WASHC4: variants seen among roughly 807,000 people sequenced by gnomAD.
WASHC4 encodes WASH complex subunit 4.
WASHC4 carries 86 observed loss-of-function variants against 166.6 expected under a neutral mutation model. The ratio of observed to expected loss-of-function variants is 0.52; its 90% CI spans 0.43 to 0.62. The LOEUF (loss-of-function observed/expected upper bound fraction) is 0.62, where lower values mean the gene tolerates loss of function less well. Among genes scored for constraint, WASHC4 ranks in the 20% least tolerant of loss-of-function variants. The probability of loss-of-function intolerance (pLI) is 0.00; values close to 1 mark genes in which losing one functional copy is unlikely to be tolerated. For missense variants in WASHC4, 1,262 were observed against 1,382.4 expected (o/e 0.91, Z 1.38); for synonymous variants, 446 against 451.6 (o/e 0.99, Z 0.16).
intron 20 of WASHC4, among the ~76,000 whole-genome samples, chr12:105,143,956 AT>A (rs34577662): frequency 1.8e-4 from 27 of 150,050 alleles, no homozygotes; most frequent in African/African-American, 5.6e-4. Flanking sequence ...GAATTTTGTG[AT>A]TTTTTTTTTA....
chr12:105,165,352 G>T (rs1196677902), intron 32 of WASHC4, among the ~76,000 whole-genome samples: 1 of 152,184 alleles, frequency 6.6e-6, no homozygotes, highest in East Asian at 1.9e-4. Flanking sequence ...GCATTGTTCA[G>T]TGTTTCATAT....
chr12:105,152,534 C>T (rs890086043), intron 26 of WASHC4, 83 bp downstream of exon 26: 2 of 842,296 alleles, frequency 2.4e-6, no homozygotes, highest in South Asian at 1.4e-5. Context: ...CACTAATAAG[C>T]AGCTCATGTG....
intron 14 of WASHC4, among the ~76,000 whole-genome samples, chr12:105,135,302 A>G (rs1882211136): frequency 6.6e-6 from 1 of 151,902 alleles, no homozygotes; most frequent in African/African-American, 2.4e-5. Flanking sequence ...CTAGTATTTC[A>G]TTAATACAAG....
chr12:105,138,037 C>G, intron 15 of WASHC4, 26 bp downstream of exon 15: 1 of 1,602,386 alleles, frequency 6.2e-7, no homozygotes, highest in Non-Finnish European at 8.5e-7. Context: ...TTTTACTGCT[C>G]CATCATAATT....
chr12:105,109,093 G>A (rs1879391285), intron 1 of WASHC4, among the ~76,000 whole-genome samples: 1 of 152,190 alleles, frequency 6.6e-6, no homozygotes, highest in African/African-American at 2.4e-5. Context: ...CCGAGATCGC[G>A]CCATTGCACT....
intron 13 of WASHC4, among the ~76,000 whole-genome samples, chr12:105,132,296 G>A (rs1566008295): frequency 1.3e-5 from 2 of 151,998 alleles, no homozygotes; most frequent in Non-Finnish European, 2.9e-5. Flanking sequence ...CTCAGCCTCC[G>A]GAGTAGCTGA....
intron 29 of WASHC4, 21 bp from the exon 30 acceptor site, chr12:105,162,728 C>T: frequency 7.8e-7 from 1 of 1,279,528 alleles, no homozygotes; most frequent in Non-Finnish European, 1.1e-6. Flanking sequence ...GTTTTTCTAA[C>T]ATGTTGTTAC....
rs375455985 is a variant in WASHC4, at chr12:105,114,252, A to G, written c.238A>G (p.Ile80Val). 2.5e-6 allele frequency: 4 copies of G among 1,608,718 alleles called. No homozygotes were observed. In the African/African-American group the frequency reaches 4.0e-5, roughly 16 times the overall value. The change falls in exon 3 of 33, where the codon ATA (isoleucine) becomes GTA (valine). Residue 80 changes from isoleucine (I) to valine (V), a missense_variant. Transcript: ENST00000332180. ...TGAACAGTCCTCTCTTTTGGAACTCATAAAGACTGAAAACAAGGTACAGAA... is the reference window on the plus strand; with the variant it reads ...TGAACAGTCCTCTCTTTTGGAACTCGTAAAGACTGAAAACAAGGTACAGAA... ...PYEQSSLLEL[I>V]KTENKVLNKV...
Position 105,164,312 on chromosome 12 carries a change from A to G in WASHC4, c.3354+5A>G, listed in dbSNP as rs553795130. 3 of 1,612,116 alleles carry G rather than the reference A, an allele frequency of 1.9e-6. No homozygotes were observed. Among genetic ancestry groups the G allele is most frequent in the Admixed American group, 1.7e-5 (1 of 60,018 alleles). On this transcript the variant is annotated splice_donor_5th_base_variant and intron_variant, in intron 31 of 32. Transcript: ENST00000332180. ...CGACTGGATGTCTATCTACAGGTAG[A>G]GAGGAGCCTAAGAGTCACATCTGCT...
chr12:105,159,059 A>ATAAGCCATTTACAAAGT (rs1256466533), intron 28 of WASHC4, among the ~76,000 whole-genome samples: 1 of 152,236 alleles, frequency 6.6e-6, no homozygotes, highest in Non-Finnish European at 1.5e-5. Flanking sequence ...GCCAGATTAC[A>ATAAGCCATTTACAAAGT]TAAGCCATTT....
At chr12:105,144,595 A>C in intron 21 of WASHC4, 123 bp from the exon 22 acceptor site, 10 of 1,107,790 alleles carry the variant, frequency 9.0e-6, no homozygotes, top group Non-Finnish European at 1.3e-5. Context: ...TCTCATTTTT[A>C]TTAATACCTT....
At chr12:105,149,791 G>T in intron 25 of WASHC4, 42 bp downstream of exon 25, 1 of 1,561,140 alleles carries the variant, frequency 6.4e-7, no homozygotes, top group Non-Finnish European at 8.7e-7. Context: ...TTAAGCTATT[G>T]AGTATATGGC....
At chr12:105,143,069 T>G in intron 19 of WASHC4, 58 bp from the exon 20 acceptor site, 1 of 1,020,446 alleles carries the variant, frequency 9.8e-7, no homozygotes, top group South Asian at 1.3e-5. Flanking sequence ...TTTGCAGTAT[T>G]GTTTAGATTA....
chr12:105,108,808 T>A (rs1375125256), intron 1 of WASHC4, among the ~76,000 whole-genome samples: 3 of 152,224 alleles, frequency 2.0e-5, no homozygotes, highest in Admixed American at 1.3e-4. Context: ...TGAATTTTGC[T>A]TGATTTACGA....
rs1431302987 is a variant in WASHC4 at position 105,143,368 on chromosome 12, G to T, written c.2010+125G>T. ...TTTATAAATTGCTGGGTAGAACAAAGAACTATTTTTAGTTACAATATCACT... is the reference window on the plus strand; with the variant it reads ...TTTATAAATTGCTGGGTAGAACAAATAACTATTTTTAGTTACAATATCACT... On this transcript the variant is annotated intron_variant, in intron 20 of 32. Coordinates refer to ENST00000332180, the MANE Select transcript of WASHC4 (RefSeq NM_015275.3). 9.4e-6 allele frequency: 6 copies of T among 637,528 alleles called. No individual in the cohort carries two copies. In the East Asian group the frequency reaches 1.4e-4, roughly 15 times the overall value. 39.5% of individuals were successfully genotyped at this position (637,528 alleles called of 1,614,324 possible). A position where few individuals can be genotyped will look rare whatever the true frequency, so the allele number is the denominator to read the frequency against.
intron 21 of WASHC4, 117 bp downstream of exon 21, chr12:105,144,572 A>G: frequency 1.7e-6 from 2 of 1,184,550 alleles, no homozygotes; most frequent in South Asian, 1.4e-5. Flanking sequence ...CTTTAATTAC[A>G]TTTTGTTTCT....
intron 5 of WASHC4, 128 bp from the exon 6 acceptor site, chr12:105,115,533 T>C: frequency 1.4e-6 from 1 of 702,444 alleles, no homozygotes; most frequent in Non-Finnish European, 2.5e-6. Flanking sequence ...GGTGTAAAAA[T>C]TCTGTTTTCA....
Position 105,137,897 on chromosome 12 carries a change from T to G in WASHC4, c.1338T>G (p.Tyr446Ter). The change falls in exon 15 of 33, where the codon TAT (tyrosine) becomes TAG (stop). Residue 446 changes from tyrosine to a stop codon, truncating the protein, a stop_gained. Coordinates refer to ENST00000332180, the MANE Select transcript of WASHC4 (RefSeq NM_015275.3). LOFTEE classifies it high-confidence loss of function. ...RCNVFIQGFL[Y>*]AYSISTIIKT... ...GTTTTCCTTTACAGGGCTTCTTGTA[T>G]GCATATAGTATTAGTACCATTATTA... 6.2e-7 allele frequency: 1 copy of G among 1,606,980 alleles called. No individual in the cohort carries two copies. Among genetic ancestry groups the G allele is most frequent in the Non-Finnish European group, 8.5e-7 (1 of 1,173,904 alleles).
chr12:105,146,797 C>T (rs1412190461), intron 23 of WASHC4, among the ~76,000 whole-genome samples: 2 of 151,838 alleles, frequency 1.3e-5, no homozygotes, highest in Non-Finnish European at 2.9e-5. Flanking sequence ...TCTGAAAATC[C>T]AAAATCTGAA....
Sources: gnomAD v4.1 joint callset for allele counts (sites outside exome capture counted in the v4.1 genomes callset) on GRCh38, gnomAD v4.1.1 for gene constraint, MANE v1.5 for transcripts, NCBI Gene and HGNC (gene_info 2026-07-23, HGNC 2026-07-21) for gene names.